The following CCDC171 variants were observed in gnomAD, a reference collection of about 807,000 sequenced individuals.
CCDC171 encodes coiled-coil domain containing 171, also known as coiled-coil domain-containing protein 171.
A neutral mutation model predicts 168.2 loss-of-function variants in CCDC171; 177 were observed. That is an observed-to-expected ratio of 1.05 (90% CI 0.93 to 1.19). The LOEUF is 1.19. Ranked by LOEUF, CCDC171 falls within the 50% of genes most tolerant of loss-of-function variation. CCDC171 has a pLI of 0.00. For missense variants in CCDC171, 1,991 were observed against 1,539.0 expected (o/e 1.29, Z -4.91); for synonymous variants, 687 against 540.8 (o/e 1.27, Z -3.75).
chr9:15,681,424 TC>T (rs2050034787), intron 10 of CCDC171, among the ~76,000 whole-genome samples: 1 of 152,102 alleles, frequency 6.6e-6, no homozygotes, highest in African/African-American at 2.4e-5. Flanking sequence ...CTTATTTTCT[TC>T]CATCTTCCTC....
chr9:15,729,517 A>C (rs1297252467), intron 15 of CCDC171, 93 bp from the exon 16 acceptor site: 1 of 675,212 alleles, frequency 1.5e-6, no homozygotes, highest in Non-Finnish European at 2.4e-6. Flanking sequence ...GGAATAAAAT[A>C]TAGTAGGACA....
At chr9:15,977,670 G>C (rs1831665009), downstream of CCDC171, among the ~76,000 whole-genome samples, 1 of 152,168 alleles carries the variant, frequency 6.6e-6, no homozygotes, top group South Asian at 2.1e-4. Context: ...ATTGTTGACA[G>C]AGTCCTCCCA....
At chr9:15,725,614 T>C (rs886711026) in intron 14 of CCDC171, among the ~76,000 whole-genome samples, 2 of 152,096 alleles carry the variant, frequency 1.3e-5, no homozygotes, top group Non-Finnish European at 2.9e-5. Flanking sequence ...CATGCCTGGC[T>C]AATTTTTGTA....
intron 25 of CCDC171, among the ~76,000 whole-genome samples, chr9:15,928,600 T>C (rs1231049873): frequency 6.6e-6 from 1 of 151,760 alleles, no homozygotes; most frequent in Non-Finnish European, 1.5e-5. Context: ...TTCTCAAAAT[T>C]CACCTGCATT....
chr9:15,882,316 G>A (rs1339902308), intron 24 of CCDC171, among the ~76,000 whole-genome samples: 3 of 152,122 alleles, frequency 2.0e-5, no homozygotes, highest in African/African-American at 7.2e-5. Context: ...AGTTGTTTGA[G>A]CTCCTTGCAT....
At chr9:15,901,127 A>G (rs1427471853) in intron 24 of CCDC171, among the ~76,000 whole-genome samples, 2 of 152,240 alleles carry the variant, frequency 1.3e-5, no homozygotes, top group Non-Finnish European at 1.5e-5. Flanking sequence ...TAAGAGAAAC[A>G]TTAAAAAGTA....
At chr9:15,989,754 C>T (rs1167026605) in intron 3 of CCDC171, among the ~76,000 whole-genome samples, 1 of 152,058 alleles carries the variant, frequency 6.6e-6, no homozygotes, top group Non-Finnish European at 1.5e-5. Flanking sequence ...GAGCTGAAAA[C>T]CCTGGCACGA....
intron 21 of CCDC171, among the ~76,000 whole-genome samples, chr9:15,813,775 T>G (rs1203909246): frequency 1.3e-5 from 2 of 152,224 alleles, no homozygotes; most frequent in African/African-American, 4.8e-5. Flanking sequence ...ATTCATCTGC[T>G]GATTGGCATT....
At chr9:15,643,879 T>G (rs2046831171) in intron 7 of CCDC171, among the ~76,000 whole-genome samples, 1 of 152,248 alleles carries the variant, frequency 6.6e-6, no homozygotes, top group South Asian at 2.1e-4. Context: ...CTTTCAAGGT[T>G]AATCCATGGT....
chr9:15,743,284 G>C (rs2055022754), intron 16 of CCDC171, among the ~76,000 whole-genome samples: 1 of 151,000 alleles, frequency 6.6e-6, no homozygotes, highest in East Asian at 1.9e-4. Context: ...TCTGACCTCA[G>C]CCTCCCGAGT....
intron 9 of CCDC171, among the ~76,000 whole-genome samples, chr9:15,678,539 A>G (rs2049804630): frequency 6.6e-6 from 1 of 152,192 alleles, no homozygotes; most frequent in Admixed American, 6.5e-5. Context: ...AGCCTTGGGC[A>G]TACTACAAAT....
At chr9:15,909,153 G>A (rs952143091) in intron 24 of CCDC171, among the ~76,000 whole-genome samples, 1 of 152,144 alleles carries the variant, frequency 6.6e-6, no homozygotes, top group Non-Finnish European at 1.5e-5. Context: ...TTTGTTGAGA[G>A]TAAATGTTTT....
rs190787341 is a variant in CCDC171 at position 15,815,927 on chromosome 9, C to T, written c.3268-30775C>T. On this transcript the variant is annotated intron_variant, in intron 21 of 25. Transcript: ENST00000380701. ...GGTCAGAGAAAAAGAATTAAGAAAA[C>T]AATAGCTCTCAGACCACTTTTTAAA... Among the ~76,000 whole-genome samples, 1,051 of 116,832 alleles carry T rather than the reference C, an allele frequency of 9.0e-3. 296 individuals are homozygous for T. Among genetic ancestry groups the T allele is most frequent in the African/African-American group, 0.031 (985 of 31,418 alleles). The allele number at this position is 116,832 out of a possible 152,430, so 76.6% of individuals were successfully genotyped here.
chr9:15,749,688 A>T (rs955879801), intron 18 of CCDC171, among the ~76,000 whole-genome samples: 1 of 152,260 alleles, frequency 6.6e-6, no homozygotes, highest in African/African-American at 2.4e-5. Context: ...CCGCTCAACT[A>T]CATGGAAACT....
At position 15,973,926 on chromosome 9, in the gene CCDC171, A is replaced by G. The variant is rs948029604; in HGVS notation, c.*2090A>G. 2.3e-4 allele frequency: 35 copies of G among 152,130 alleles called. No individual in the cohort carries two copies. Among genetic ancestry groups the G allele is most frequent in the African/African-American group, 8.4e-4 (35 of 41,440 alleles). 9.4% of individuals were successfully genotyped at this position (152,130 alleles called of 1,614,324 possible). A position where few individuals can be genotyped will look rare whatever the true frequency, so the allele number is the denominator to read the frequency against. On this transcript the variant is annotated 3_prime_UTR_variant, in exon 26 of 26. Transcript: ENST00000380701. ...TGTTTTCAGATCCTACTGATTTTAG[A>G]GGAACAAGCAGCTTTGTAAAATGTG...
In CCDC171 at chr9:15,558,001, G is replaced by A. The variant is rs186680631; in HGVS notation, c.-112+4699G>A. On this transcript the variant is annotated intron_variant, in intron 1 of 25. Coordinates refer to ENST00000380701, the MANE Select transcript of CCDC171 (RefSeq NM_173550.4). ...TCTGCATCTATTGAGATAATCATGTGGTTTTTGTCATTGGTTCTGTTTATG... is the reference window on the plus strand; with the variant it reads ...TCTGCATCTATTGAGATAATCATGTAGTTTTTGTCATTGGTTCTGTTTATG... Among the ~76,000 whole-genome samples the A allele has an allele frequency of 6.6e-5, 10 of 152,152 alleles. No individual in the cohort carries two copies. In the East Asian group the frequency reaches 1.9e-3, roughly 29 times the overall value.
intron 7 of CCDC171, among the ~76,000 whole-genome samples, chr9:15,631,231 A>G (rs1263562804): frequency 2.0e-5 from 3 of 151,826 alleles, no homozygotes; most frequent in Non-Finnish European, 2.9e-5. Flanking sequence ...ATGAATCCAG[A>G]AGCTGGTTTT....
chr9:15,659,373 A>C (rs1215448876), intron 8 of CCDC171, among the ~76,000 whole-genome samples: 2 of 152,184 alleles, frequency 1.3e-5, no homozygotes, highest in Non-Finnish European at 2.9e-5. Flanking sequence ...ATGTTTTCTC[A>C]GCATTTGATA....
chr9:15,611,335 A>C (rs1396954246), intron 6 of CCDC171, among the ~76,000 whole-genome samples: 1 of 152,220 alleles, frequency 6.6e-6, no homozygotes, highest in Non-Finnish European at 1.5e-5. Context: ...ACAGCCTAAT[A>C]CAAGAACCTT....
Sources: gnomAD v4.1 joint callset for allele counts (sites outside exome capture counted in the v4.1 genomes callset) on GRCh38, gnomAD v4.1.1 for gene constraint, MANE v1.5 for transcripts, NCBI Gene and HGNC (gene_info 2026-07-23, HGNC 2026-07-21) for gene names.